Variants in BIN2 observed in about 807,000 individuals in gnomAD.
BIN2 encodes bridging integrator 2.
A neutral mutation model predicts 67.9 loss-of-function variants in BIN2; 43 were observed. The ratio of observed to expected loss-of-function variants is 0.63; its 90% CI spans 0.50 to 0.82. The LOEUF is 0.82. Among genes scored for constraint, BIN2 ranks in the 40% least tolerant of loss-of-function variants. The pLI is 0.00. For synonymous variants in BIN2, 244 were observed against 246.8 expected (o/e 0.99, Z 0.11); for missense variants, 581 against 671.6 (o/e 0.87, Z 1.49).
At chr12:51,303,506 C>A (rs1458968869) in intron 2 of BIN2, among the ~76,000 whole-genome samples, 1 of 152,174 alleles carries the variant, frequency 6.6e-6, no homozygotes, top group Admixed American at 6.6e-5. Context: ...TCTGCAGACA[C>A]CAGGCCTTCT....
Position 51,299,331 on chromosome 12 carries a change from C to T in BIN2, c.517-43G>A, listed in dbSNP as rs114864323. The T allele has an allele frequency of 1.7e-3, 2,582 of 1,552,072 alleles. 44 individuals are homozygous for T. The African/African-American group carries it at 0.031, about 19-fold the overall frequency. On this transcript the variant is annotated intron_variant, in intron 6 of 12. Transcript: ENST00000615107. ...CAAGACAATCTCCCTCAATTCTGAACCCAGTACTACAGCATGCCTCCTTCA... is the reference window on the plus strand; with the variant it reads ...CAAGACAATCTCCCTCAATTCTGAATCCAGTACTACAGCATGCCTCCTTCA...
At chr12:51,309,419 AAC>A (rs1367733567) in intron 2 of BIN2, among the ~76,000 whole-genome samples, 1 of 152,210 alleles carries the variant, frequency 6.6e-6, no homozygotes, top group Non-Finnish European at 1.5e-5. Flanking sequence ...CCCAGCACCA[AAC>A]ACAGTTCCTG....
intron 1 of BIN2, among the ~76,000 whole-genome samples, chr12:51,320,117 C>T (rs1354027695): frequency 4.6e-5 from 7 of 152,084 alleles, no homozygotes; most frequent in African/African-American, 1.2e-4. Flanking sequence ...TCCAAGCAGC[C>T]AGGACTACAG....
At chr12:51,318,511 C>T (rs923955141) in intron 1 of BIN2, among the ~76,000 whole-genome samples, 1 of 152,208 alleles carries the variant, frequency 6.6e-6, no homozygotes, top group East Asian at 1.9e-4. Context: ...ATCTGCCCAC[C>T]TCAGCCTCCC....
At chr12:51,305,200 G>A (rs2137407500) in intron 2 of BIN2, among the ~76,000 whole-genome samples, 1 of 152,014 alleles carries the variant, frequency 6.6e-6, no homozygotes, top group East Asian at 1.9e-4. Flanking sequence ...GCAGGGTGTG[G>A]CGGCAGGCAC....
In BIN2 at chr12:51,281,162, CTG is replaced by C; in HGVS notation, c.*335_*336del. 1 of 285,946 alleles carries C rather than the reference CTG, an allele frequency of 3.5e-6. No individual in the cohort carries two copies. Among genetic ancestry groups the C allele is most frequent in the South Asian group, 7.6e-5 (1 of 13,208 alleles). 17.7% of individuals were successfully genotyped at this position (285,946 alleles called of 1,614,324 possible). ...CCTCTGAGTGTGTGTGGTTATGTCT[CTG>C]TATAGGCAAGTGTCTGTGTCTATAG... On this transcript the variant is annotated 3_prime_UTR_variant, in exon 13 of 13. Transcript: ENST00000615107.
At chr12:51,302,896 T>C in intron 3 of BIN2, 116 bp from the exon 4 acceptor site, 1 of 1,161,172 alleles carries the variant, frequency 8.6e-7, no homozygotes, top group Non-Finnish European at 1.3e-6. Flanking sequence ...AGGTTTAGGT[T>C]ATATAAGTGA....
intron 12 of BIN2, among the ~76,000 whole-genome samples, chr12:51,281,830 C>A (rs541965337): frequency 2.0e-5 from 3 of 152,048 alleles, no homozygotes; most frequent in Non-Finnish European, 4.4e-5. Flanking sequence ...TCATAGCTAA[C>A]TGTAGCCTTG....
At chr12:51,284,981 A>G (rs1339573401) in intron 11 of BIN2, among the ~76,000 whole-genome samples, 194 bp from the exon 12 acceptor site, 1 of 152,226 alleles carries the variant, frequency 6.6e-6, no homozygotes, top group East Asian at 1.9e-4. Context: ...TTACAGATGA[A>G]TAAACTAAGA....
chr12:51,299,736 G>T, intron 5 of BIN2, 22 bp from the exon 6 acceptor site: 1 of 1,604,390 alleles, frequency 6.2e-7, no homozygotes. Flanking sequence ...TAATGAGAAA[G>T]GGTGTGGATA....
upstream of BIN2, chr12:51,324,650 G>T: frequency 9.9e-7 from 1 of 1,007,204 alleles, no homozygotes; most frequent in Non-Finnish European, 1.4e-6. Context: ...CCCGAGCCGG[G>T]CTTGAAAGAG....
chr12:51,302,558 G>C (rs1215080300), intron 4 of BIN2, 128 bp downstream of exon 4: 4 of 778,324 alleles, frequency 5.1e-6, no homozygotes, highest in Admixed American at 2.2e-5. Context: ...AGTGACTGAG[G>C]CTACACAAAT....
At chr12:51,291,023 C>T (rs1945367473) in intron 10 of BIN2, among the ~76,000 whole-genome samples, 1 of 151,936 alleles carries the variant, frequency 6.6e-6, no homozygotes, top group African/African-American at 2.4e-5. Context: ...GTGGCGTGCA[C>T]CTGTAATCCC....
intron 2 of BIN2, among the ~76,000 whole-genome samples, 160 bp downstream of exon 2, chr12:51,313,663 A>G (rs1259101388): frequency 6.6e-6 from 1 of 152,136 alleles, no homozygotes; most frequent in Admixed American, 6.6e-5. Context: ...TAGTTCACCG[A>G]GGAAGGATAA....
In BIN2 at chr12:51,281,482, G is replaced by A. The variant is rs775930385; in HGVS notation, c.*17C>T. ...TCTGGCGAGGTTTGGGGCAGGAGGA[G>A]TCTTGGTAGTTTCTCTTCAGAGTTG... is the stretch of plus-strand genomic sequence containing the variant. On this transcript the variant is annotated 3_prime_UTR_variant, in exon 13 of 13. Transcript: ENST00000615107. 1 of 1,613,320 alleles carries A rather than the reference G, an allele frequency of 6.2e-7. No homozygotes were observed. Among genetic ancestry groups the A allele is most frequent in the South Asian group, 1.1e-5 (1 of 91,064 alleles).
intron 1 of BIN2, 65 bp from the exon 2 acceptor site, chr12:51,313,968 T>C (rs1047812075): frequency 1.7e-5 from 21 of 1,270,782 alleles, no homozygotes; most frequent in South Asian, 8.5e-5. Context: ...GTTGGCCTCA[T>C]ATGACCCTGG....
At chr12:51,324,241 C>A, upstream of BIN2, 1 of 1,441,948 alleles carries the variant, frequency 6.9e-7, no homozygotes, top group Non-Finnish European at 9.0e-7. Context: ...CCTGGCCAGC[C>A]CTGAGGCCCG....
At chr12:51,287,956 A>G in intron 11 of BIN2, 152 bp downstream of exon 11, 1 of 569,220 alleles carries the variant, frequency 1.8e-6, no homozygotes, top group Non-Finnish European at 3.1e-6. Flanking sequence ...CGGCCAGGAC[A>G]AGTTTTACAT....
chr12:51,291,508 A>T, intron 10 of BIN2, 83 bp downstream of exon 10: 4 of 1,372,134 alleles, frequency 2.9e-6, no homozygotes, highest in Non-Finnish European at 3.9e-6. Flanking sequence ...GCACCACTAC[A>T]CTCCAGCCTG....
Sources: allele counts gnomAD v4.1 joint callset (sites outside exome capture counted in the v4.1 genomes callset), GRCh38; gene constraint gnomAD v4.1.1; transcripts MANE v1.5; gene names NCBI Gene and HGNC (gene_info 2026-07-23, HGNC 2026-07-21).